Variants in AGPAT5 observed in about 807,000 individuals in gnomAD.
The protein encoded by AGPAT5 is 1-acyl-sn-glycerol-3-phosphate acyltransferase epsilon.
AGPAT5 carries 46 observed loss-of-function variants against 45.6 expected under a neutral mutation model. The ratio of observed to expected loss-of-function variants is 1.01; its 90% CI spans 0.80 to 1.29. The LOEUF is 1.29. Ranked by LOEUF, AGPAT5 falls within the 50% of genes most tolerant of loss-of-function variation. The probability of loss-of-function intolerance (pLI) is 0.00; values close to 1 mark genes in which losing one functional copy is unlikely to be tolerated. For missense variants in AGPAT5, 673 were observed against 450.7 expected (o/e 1.49, Z -4.47); for synonymous variants, 272 against 167.0 (o/e 1.63, Z -4.85).
chr8:6,711,569 G>A (rs1352267283), intron 1 of AGPAT5, among the ~76,000 whole-genome samples: 1 of 152,142 alleles, frequency 6.6e-6, no homozygotes, highest in African/African-American at 2.4e-5. Context: ...CTACTGTGTT[G>A]AGAGGCATTG....
intron 1 of AGPAT5, among the ~76,000 whole-genome samples, chr8:6,720,451 T>G (rs1456556168): frequency 6.6e-6 from 1 of 152,188 alleles, no homozygotes; most frequent in Non-Finnish European, 1.5e-5. Context: ...TTGAACAGAT[T>G]TTTGGCAGAT....
chr8:6,741,529 T>A (rs1379478582), intron 4 of AGPAT5, 132 bp from the exon 5 acceptor site: 4 of 573,546 alleles, frequency 7.0e-6, no homozygotes, highest in Middle Eastern at 3.2e-4. Context: ...GAAGGTCACA[T>A]GTAAATAAAT....
rs1256002121 is a variant in AGPAT5, at chr8:6,759,384, G to T, written c.*1996G>T. On this transcript the variant is annotated 3_prime_UTR_variant, in exon 8 of 8. Transcript: ENST00000285518. Reference sequence around the variant, plus strand: ...CACAAAAGGTCTATAAAATACAGTCGTTGAAAAAAATTTTGTATCAAAATG... The same window carrying T: ...CACAAAAGGTCTATAAAATACAGTCTTTGAAAAAAATTTTGTATCAAAATG... 6.6e-6 allele frequency: 1 copy of T among 151,986 alleles called. No individual in the cohort carries two copies. The highest frequency in any genetic ancestry group is 2.4e-5 in the African/African-American group (1 of 41,376). The allele number at this position is 151,986 out of a possible 1,614,324, so 9.4% of individuals were successfully genotyped here.
chr8:6,717,985 A>T (rs949868644), intron 1 of AGPAT5, among the ~76,000 whole-genome samples: 1 of 152,176 alleles, frequency 6.6e-6, no homozygotes, highest in African/African-American at 2.4e-5. Context: ...GCCATTCCGT[A>T]TGTCATCTGG....
At chr8:6,745,440 C>G (rs1021626953) in intron 5 of AGPAT5, among the ~76,000 whole-genome samples, 21 of 152,220 alleles carry the variant, frequency 1.4e-4, no homozygotes, top group African/African-American at 4.8e-4. Context: ...AATCCCACTT[C>G]TCACTTAACC....
intron 4 of AGPAT5, among the ~76,000 whole-genome samples, chr8:6,737,677 C>T (rs1336767073): frequency 2.0e-5 from 3 of 152,180 alleles, no homozygotes; most frequent in Non-Finnish European, 2.9e-5. Context: ...ACTTAAGTTC[C>T]TTTTCAGATA....
intron 2 of AGPAT5, among the ~76,000 whole-genome samples, chr8:6,725,594 T>C (rs552591186): frequency 1.3e-4 from 20 of 152,348 alleles, no homozygotes; most frequent in Non-Finnish European, 2.1e-4. Flanking sequence ...TTAATATAAC[T>C]GTAGCACAGT....
chr8:6,733,863 G>A (rs1800949292), intron 4 of AGPAT5, among the ~76,000 whole-genome samples: 1 of 152,194 alleles, frequency 6.6e-6, no homozygotes, highest in Non-Finnish European at 1.5e-5. Flanking sequence ...AATGAAGATA[G>A]CTGCCTTTTG....
At chr8:6,710,126 C>G (rs2408444) in intron 1 of AGPAT5, among the ~76,000 whole-genome samples, 99,165 of 151,524 alleles carry the variant, frequency 0.65, 32,901 homozygotes, top group African/African-American at 0.78. Flanking sequence ...TCATTCACCT[C>G]TTAAAAAAAT....
At chr8:6,745,528 T>C (rs898172447) in intron 5 of AGPAT5, among the ~76,000 whole-genome samples, 6 of 152,234 alleles carry the variant, frequency 3.9e-5, no homozygotes, top group Non-Finnish European at 7.3e-5. Context: ...ACATTATTTA[T>C]ACCTTTATAA....
chr8:6,728,873 G>C (rs1262272020), intron 2 of AGPAT5, among the ~76,000 whole-genome samples: 1 of 152,182 alleles, frequency 6.6e-6, no homozygotes, highest in East Asian at 1.9e-4. Flanking sequence ...TAAATTAGAA[G>C]GGGCTAGGGA....
At chr8:6,732,946 C>T (rs1188498480) in intron 4 of AGPAT5, among the ~76,000 whole-genome samples, 2 of 152,162 alleles carry the variant, frequency 1.3e-5, no homozygotes, top group East Asian at 3.8e-4. Flanking sequence ...TTTAACCTGA[C>T]ATTTAAGCTA....
rs534395322 is a variant in AGPAT5 at position 6,760,656 on chromosome 8, T to G, written c.*3268T>G. 7.2e-5 allele frequency among the ~76,000 whole-genome samples: 11 copies of G among 152,240 alleles called. No individual in the cohort carries two copies. Among genetic ancestry groups the G allele is most frequent in the Non-Finnish European group, 1.3e-4 (9 of 68,032 alleles). On this transcript the variant is annotated 3_prime_UTR_variant, in exon 8 of 8. Coordinates refer to ENST00000285518, the MANE Select transcript of AGPAT5 (RefSeq NM_018361.5). ...GTGGAAAGCTACAATGCAATGTCGT[T>G]GTAGTTTTGCATGGCTTGCTTTATA... is the stretch of plus-strand genomic sequence containing the variant.
intron 1 of AGPAT5, among the ~76,000 whole-genome samples, chr8:6,714,001 C>G (rs1282806909): frequency 1.3e-5 from 2 of 152,238 alleles, no homozygotes; most frequent in Non-Finnish European, 2.9e-5. Flanking sequence ...GCTGTAAAAG[C>G]AGCCATTCAT....
intron 2 of AGPAT5, among the ~76,000 whole-genome samples, chr8:6,725,936 A>G (rs1043051367): frequency 7.2e-5 from 11 of 152,164 alleles, no homozygotes; most frequent in African/African-American, 2.7e-4. Flanking sequence ...TATACCATAG[A>G]TGAGGTATAG....
chr8:6,714,340 G>A (rs1800252577), intron 1 of AGPAT5, among the ~76,000 whole-genome samples: 1 of 152,114 alleles, frequency 6.6e-6, no homozygotes, highest in Admixed American at 6.6e-5. Flanking sequence ...TTTACTATAG[G>A]AAATTAAACA....
At chr8:6,756,487 G>A (rs548052424) in intron 7 of AGPAT5, among the ~76,000 whole-genome samples, 73 of 151,988 alleles carry the variant, frequency 4.8e-4, no homozygotes, top group Middle Eastern at 6.8e-3. Context: ...TTAGCCAGGC[G>A]TGCACCTGTA....
chr8:6,720,256 TC>T (rs1800457180), intron 1 of AGPAT5, among the ~76,000 whole-genome samples: 3 of 67,428 alleles, frequency 4.4e-5, no homozygotes, highest in South Asian at 7.3e-4. Context: ...GATCAACTTA[TC>T]AAAAAAAAAA....
At chr8:6,752,683 G>T (rs1446914131) in intron 6 of AGPAT5, among the ~76,000 whole-genome samples, 11 of 152,130 alleles carry the variant, frequency 7.2e-5, no homozygotes, top group Admixed American at 7.2e-4. Context: ...TTTATGGGTA[G>T]AAAAACAATA....
Sources: allele counts gnomAD v4.1 joint callset (sites outside exome capture counted in the v4.1 genomes callset), GRCh38; gene constraint gnomAD v4.1.1; transcripts MANE v1.5; gene names NCBI Gene and HGNC (gene_info 2026-07-23, HGNC 2026-07-21).